Variants in KLC3 observed in about 807,000 individuals in gnomAD.
KLC3 encodes kinesin light chain 2.
In KLC3, 72 loss-of-function variants were observed where a neutral mutation model predicts 62.9. That is an observed-to-expected ratio of 1.15 (90% confidence interval 0.95 to 1.39). The LOEUF is 1.39. Among genes scored for constraint, KLC3 ranks in the 40% most tolerant of loss-of-function variants. The pLI, the probability that KLC3 is intolerant of heterozygous loss-of-function variation, is 0.00. For synonymous variants in KLC3, 377 were observed against 300.5 expected (o/e 1.25, Z -2.63); for missense variants, 848 against 691.6 (o/e 1.23, Z -2.54).
chr19:45,341,267 C>T (rs1294906037), intron 1 of KLC3, among the ~76,000 whole-genome samples: 2 of 149,804 alleles, frequency 1.3e-5, no homozygotes, highest in Non-Finnish European at 3.0e-5. Context: ...AGGGTGAAAG[C>T]GACTGTCCGT....
chr19:45,347,825 C>T, intron 4 of KLC3, 116 bp from the exon 5 acceptor site: 2 of 848,178 alleles, frequency 2.4e-6, no homozygotes, highest in South Asian at 1.7e-5. Flanking sequence ...GCGTGGGGGC[C>T]CATAGTCCCA....
chr19:45,346,971 A>G (rs1382881232), intron 3 of KLC3, 197 bp downstream of exon 3: 2 of 510,576 alleles, frequency 3.9e-6, no homozygotes, highest in African/African-American at 4.2e-5. Flanking sequence ...AGACGCCCCC[A>G]CTAGCTACTC....
chr19:45,341,276 G>A (rs1599831180), intron 1 of KLC3, among the ~76,000 whole-genome samples: 3 of 151,884 alleles, frequency 2.0e-5, no homozygotes, highest in Non-Finnish European at 1.5e-5. Flanking sequence ...GCGACTGTCC[G>A]TGTAACCCTG....
chr19:45,343,322 TC>T (rs1361116245), intron 1 of KLC3, among the ~76,000 whole-genome samples: 4 of 152,036 alleles, frequency 2.6e-5, no homozygotes, highest in Non-Finnish European at 5.9e-5. Flanking sequence ...GGCTTTTCTT[TC>T]TTTTTTTTAA....
At chr19:45,349,792 G>C in intron 8 of KLC3, 190 bp downstream of exon 8, 1 of 574,596 alleles carries the variant, frequency 1.7e-6, no homozygotes, top group Non-Finnish European at 3.0e-6. Flanking sequence ...GTAAGTCCAC[G>C]GCAGCCAGAG....
Position 45,351,014 on chromosome 19 carries a change from T to TCCCCC in KLC3, c.1441_1442insCCCCC (p.Gln481ProfsTer23), listed in dbSNP as rs766282378. 1 of 1,614,022 alleles carries TCCCCC rather than the reference T, an allele frequency of 6.2e-7. No homozygotes were observed. The highest frequency in any genetic ancestry group is 1.1e-5 in the South Asian group (1 of 91,072). On this transcript the variant is annotated frameshift_variant, in exon 12 of 13. Transcript: ENST00000391946. LOFTEE classifies it high-confidence loss of function. The stretch of plus-strand genomic sequence containing the variant: ...TGGATGCTCCAAGGGCTCCTGGGAC[T>TCCCCC]CAGGTGAGGGGGACATCTGGGTCAA...
intron 3 of KLC3, 53 bp from the exon 4 acceptor site, chr19:45,347,394 G>T: frequency 1.5e-6 from 2 of 1,369,090 alleles, no homozygotes; most frequent in Non-Finnish European, 2.1e-6. Flanking sequence ...CAGGGCCCCG[G>T]TCTCTGAAAC....
rs1971493822 is a variant in KLC3 at position 45,346,525 on chromosome 19, G to A, written c.259-19G>A. On this transcript the variant is annotated intron_variant, in intron 2 of 12. Transcript: ENST00000391946. ...CAGGGCAGGAACCAACCTCGACTTG[G>A]GACCCCCACCCCGGGCAGGTGCTGC... The A allele has an allele frequency of 2.0e-6, 3 of 1,510,992 alleles. No homozygotes were observed. In the South Asian group the frequency reaches 3.8e-5, roughly 19 times the overall value. 93.6% of individuals were successfully genotyped at this position (1,510,992 alleles called of 1,614,324 possible).
At chr19:45,342,765 T>G (rs549410068) in intron 1 of KLC3, among the ~76,000 whole-genome samples, 77 of 152,162 alleles carry the variant, frequency 5.1e-4, no homozygotes, top group African/African-American at 1.8e-3. Flanking sequence ...AGACTCAGTC[T>G]CAAAAAAATA....
rs1599717035 is a variant in KLC3, at chr19:45,350,558, A to G, written c.1272+7A>G. 6.2e-7 allele frequency: 1 copy of G among 1,613,544 alleles called. No homozygotes were observed. Among genetic ancestry groups the G allele is most frequent in the Non-Finnish European group, 8.5e-7 (1 of 1,179,908 alleles). On this transcript the variant is annotated splice_region_variant and intron_variant, in intron 10 of 12. Transcript: ENST00000391946. ...AGCTGGTGACGCAGAACAGGTGAGGATGGGCTGTGCTTCGGCTCCTGGGGT... is the reference window on the plus strand; with the variant it reads ...AGCTGGTGACGCAGAACAGGTGAGGGTGGGCTGTGCTTCGGCTCCTGGGGT...
intron 3 of KLC3, chr19:45,347,209 G>A: frequency 2.0e-6 from 1 of 509,516 alleles, no homozygotes; most frequent in Non-Finnish European, 3.5e-6. Context: ...GGGTGTGGTG[G>A]CACATGCCTG....
intron 7 of KLC3, 108 bp from the exon 8 acceptor site, chr19:45,349,321 C>T: frequency 8.6e-7 from 1 of 1,163,024 alleles, no homozygotes; most frequent in African/African-American, 1.5e-5. Flanking sequence ...TCAGGTCACT[C>T]TCTGCTTTGA....
At chr19:45,347,395 T>G in intron 3 of KLC3, 52 bp from the exon 4 acceptor site, 2 of 1,317,544 alleles carry the variant, frequency 1.5e-6, no homozygotes, top group Non-Finnish European at 2.2e-6. Context: ...AGGGCCCCGG[T>G]CTCTGAAACA....
chr19:45,346,555 C>G lies in KLC3; in HGVS notation c.270C>G (p.Ala90=). ...LGLGEAQVLL[A]LSAHVGALEA... ...CCCACCCCGGGCAGGTGCTGCTGGC[C>G]CTGTCGGCACATGTGGGTGCACTGG... The change falls in exon 3 of 13, where the codon GCC becomes GCG. Residue 90 remains alanine (A), a synonymous_variant. Transcript: ENST00000391946. 6.5e-7 allele frequency: 1 copy of G among 1,535,648 alleles called. No individual in the cohort carries two copies. The highest frequency in any genetic ancestry group is 8.8e-7 in the Non-Finnish European group (1 of 1,137,680).
chr19:45,349,118 CCT>C, intron 7 of KLC3, among the ~76,000 whole-genome samples, 197 bp downstream of exon 7: 1 of 152,080 alleles, frequency 6.6e-6, no homozygotes, highest in Non-Finnish European at 1.5e-5. Flanking sequence ...CCCTGACTGA[CCT>C]CTCGCCTTAC....
intron 1 of KLC3, among the ~76,000 whole-genome samples, chr19:45,344,602 C>T (rs1379002818): frequency 6.6e-6 from 1 of 152,030 alleles, no homozygotes; most frequent in Admixed American, 6.6e-5. Context: ...TGCATTGTGT[C>T]TTTAAGAAGG....
rs769867861 is a variant in KLC3, at chr19:45,348,724, G to A, written c.858G>A (p.Glu286=). 1.8e-5 allele frequency: 29 copies of A among 1,588,346 alleles called. No individual in the cohort carries two copies. In the South Asian group the frequency reaches 3.2e-4, roughly 18 times the overall value. ...LQIREQTLGP[E]HPAVAATLNN... ...TCCGGGAGCAGACGCTGGGCCCTGAGCACCCCGCGGTGAGTGGGGCCCCAG... is the reference window on the plus strand; with the variant it reads ...TCCGGGAGCAGACGCTGGGCCCTGAACACCCCGCGGTGAGTGGGGCCCCAG... The change falls in exon 6 of 13, where the codon GAG becomes GAA. Residue 286 remains glutamate (E), a synonymous_variant. Coordinates refer to ENST00000391946, the MANE Select transcript of KLC3 (RefSeq NM_177417.3).
chr19:45,350,906 G>C (rs1221589468), intron 11 of KLC3, 48 bp from the exon 12 acceptor site: 1 of 1,595,068 alleles, frequency 6.3e-7, no homozygotes, highest in Middle Eastern at 1.7e-4. Context: ...TCGTGGAGGG[G>C]GGCCACTCCT....
chr19:45,348,458 G>C (rs1306426582), intron 5 of KLC3, among the ~76,000 whole-genome samples, 188 bp from the exon 6 acceptor site: 1 of 152,100 alleles, frequency 6.6e-6, no homozygotes, highest in East Asian at 1.9e-4. Flanking sequence ...GCAGAGGTCT[G>C]GGGGTACAGG....
Sources: allele counts gnomAD v4.1 joint callset (sites outside exome capture counted in the v4.1 genomes callset), GRCh38; gene constraint gnomAD v4.1.1; transcripts MANE v1.5; gene names NCBI Gene and HGNC (gene_info 2026-07-23, HGNC 2026-07-21).